The following CCDC178 variants were observed in gnomAD, a reference collection of about 807,000 sequenced individuals.
CCDC178 encodes coiled-coil domain containing 178.
CCDC178 carries 126 observed loss-of-function variants against 117.4 expected under a neutral mutation model. The ratio of observed to expected loss-of-function variants is 1.07; its 90% CI spans 0.93 to 1.24. The LOEUF (loss-of-function observed/expected upper bound fraction) is 1.24, where lower values mean the gene tolerates loss of function less well. Ranked by LOEUF, CCDC178 falls within the 50% of genes most tolerant of loss-of-function variation. The pLI, the probability that CCDC178 is intolerant of heterozygous loss-of-function variation, is 0.00. For synonymous variants in CCDC178, 283 were observed against 313.4 expected, an observed-to-expected ratio of 0.90 and a Z score of 1.02; for missense variants, 1,030 against 986.9, an observed-to-expected ratio of 1.04 and a Z score of -0.59.
At chr18:33,047,755 T>C (rs923422610) in intron 21 of CCDC178, among the ~76,000 whole-genome samples, 1 of 152,194 alleles carries the variant, frequency 6.6e-6, no homozygotes, top group Non-Finnish European at 1.5e-5. Context: ...GAAGCCCTAA[T>C]GCTAAACTGG....
intron 20 of CCDC178, among the ~76,000 whole-genome samples, chr18:33,123,574 G>T (rs1275017934): frequency 6.6e-6 from 1 of 152,048 alleles, no homozygotes; most frequent in Non-Finnish European, 1.5e-5. Flanking sequence ...TGTAAAAAAT[G>T]ACATAAAAGA....
chr18:33,023,885 C>A (rs929945085), intron 21 of CCDC178, among the ~76,000 whole-genome samples: 9 of 152,152 alleles, frequency 5.9e-5, no homozygotes, highest in African/African-American at 1.9e-4. Flanking sequence ...AGACAAGTTA[C>A]TAATATCAGA....
chr18:33,297,989 C>T (rs1218539097), intron 11 of CCDC178, among the ~76,000 whole-genome samples: 3 of 151,656 alleles, frequency 2.0e-5, no homozygotes. Context: ...TTGCAGTGAG[C>T]CGAGATTGCA....
At chr18:33,409,570 A>G (rs1399006963) in intron 3 of CCDC178, among the ~76,000 whole-genome samples, 1 of 152,212 alleles carries the variant, frequency 6.6e-6, no homozygotes, top group Non-Finnish European at 1.5e-5. Context: ...TTAATGACAA[A>G]CTTTTTCAAA....
intron 20 of CCDC178, among the ~76,000 whole-genome samples, chr18:33,210,437 T>C (rs1330807991): frequency 2.0e-5 from 3 of 151,978 alleles, no homozygotes; most frequent in Admixed American, 1.3e-4. Context: ...TTATAGAGGA[T>C]GTTTTATTCA....
intron 20 of CCDC178, among the ~76,000 whole-genome samples, chr18:33,190,741 A>G (rs2058847712): frequency 6.6e-6 from 1 of 152,192 alleles, no homozygotes; most frequent in Non-Finnish European, 1.5e-5. Context: ...GCTAAGTGTA[A>G]TAGAGGATTA....
intron 20 of CCDC178, among the ~76,000 whole-genome samples, chr18:33,187,961 C>CA (rs2058816276): frequency 2.0e-5 from 3 of 152,132 alleles, no homozygotes; most frequent in Admixed American, 1.3e-4. Flanking sequence ...ATACTCCCTT[C>CA]ACCAAGGCTT....
At chr18:33,093,009 C>T in intron 20 of CCDC178, 99 bp from the exon 21 acceptor site, 1 of 721,872 alleles carries the variant, frequency 1.4e-6, no homozygotes. Context: ...TTTAAATTAT[C>T]TAAACATGCT....
At chr18:32,959,958 A>G (rs1426055437) in intron 22 of CCDC178, among the ~76,000 whole-genome samples, 1 of 152,122 alleles carries the variant, frequency 6.6e-6, no homozygotes, top group African/African-American at 2.4e-5. Context: ...TTTCCAATAA[A>G]AGTGATCAGA....
chr18:33,331,547 T>C (rs1164682170), intron 10 of CCDC178, among the ~76,000 whole-genome samples: 1 of 152,082 alleles, frequency 6.6e-6, no homozygotes, highest in African/African-American at 2.4e-5. Flanking sequence ...AGACTACCTA[T>C]GTGAGGCAGT....
chr18:33,087,033 GACACACACAC>G (rs35149990), intron 21 of CCDC178, among the ~76,000 whole-genome samples: 67 of 133,464 alleles, frequency 5.0e-4, no homozygotes, highest in Middle Eastern at 3.9e-3. Flanking sequence ...GCCATTGGTT[GACACACACAC>G]ACACACACAC....
chr18:33,370,243 T>C, intron 5 of CCDC178, 54 bp from the exon 6 acceptor site: 1 of 1,392,202 alleles, frequency 7.2e-7, no homozygotes, highest in Non-Finnish European at 9.6e-7. Context: ...TAGTAAATTT[T>C]GATGTTCAGA....
intron 15 of CCDC178, among the ~76,000 whole-genome samples, chr18:33,244,238 A>AT (rs140190039): frequency 0.048 from 7,236 of 151,022 alleles, 223 homozygotes; most frequent in Non-Finnish European, 0.075. Flanking sequence ...TTTTCTAGGT[A>AT]TTTTTTTTTG....
At chr18:33,386,961 A>G (rs904131574) in intron 5 of CCDC178, among the ~76,000 whole-genome samples, 7 of 152,158 alleles carry the variant, frequency 4.6e-5, no homozygotes, top group Non-Finnish European at 1.0e-4. Context: ...CTTTATCTAG[A>G]AAACCCCATC....
At chr18:33,360,729 G>T (rs1002299807) in intron 6 of CCDC178, among the ~76,000 whole-genome samples, 6 of 151,422 alleles carry the variant, frequency 4.0e-5, no homozygotes, top group African/African-American at 1.5e-4. Flanking sequence ...AGCTGAAGAA[G>T]AAATTAAGAA....
At chr18:33,274,374 TATCAC>T (rs1171530389) in intron 12 of CCDC178, among the ~76,000 whole-genome samples, 5 of 151,954 alleles carry the variant, frequency 3.3e-5, no homozygotes, top group Non-Finnish European at 5.9e-5. Flanking sequence ...AACATAGAAC[TATCAC>T]ATGACCTGGC....
At chr18:33,345,360 C>T (rs1022035561) in intron 9 of CCDC178, among the ~76,000 whole-genome samples, 14 of 152,108 alleles carry the variant, frequency 9.2e-5, no homozygotes, top group African/African-American at 2.9e-4. Context: ...ATTCTTTAAT[C>T]CTTCACCATA....
chr18:33,239,349 T>C (rs1271878907), intron 15 of CCDC178, among the ~76,000 whole-genome samples: 2 of 151,958 alleles, frequency 1.3e-5, no homozygotes, highest in African/African-American at 2.4e-5. Context: ...TAATTCCTCA[T>C]TTATCAATAA....
intron 18 of CCDC178, among the ~76,000 whole-genome samples, chr18:33,217,925 A>G (rs2059186044): frequency 6.6e-6 from 1 of 152,060 alleles, no homozygotes; most frequent in South Asian, 2.1e-4. Flanking sequence ...AAAGCATCAG[A>G]TTTCTCAACT....
Sources: allele counts gnomAD v4.1 joint callset (sites outside exome capture counted in the v4.1 genomes callset), GRCh38; gene constraint gnomAD v4.1.1; transcripts MANE v1.5; gene names NCBI Gene and HGNC (gene_info 2026-07-23, HGNC 2026-07-21).